The following CSMD1 variants were observed in gnomAD, a reference collection of about 807,000 sequenced individuals.
The protein encoded by CSMD1 is CUB and Sushi multiple domains 1.
A neutral mutation model predicts 417.5 loss-of-function variants in CSMD1; 213 were observed. The observed-to-expected ratio is 0.51, with a 90% CI of 0.46 to 0.57. The LOEUF is 0.57. Among genes scored for constraint, CSMD1 ranks in the 20% least tolerant of loss-of-function variants. The pLI is 0.00. For missense variants in CSMD1, 6,923 were observed against 4,529.7 expected (o/e 1.53, Z -15.17); for synonymous variants, 2,862 against 1,736.8 (o/e 1.65, Z -16.11).
chr8:3,944,808 C>G (rs1811113268), intron 5 of CSMD1, among the ~76,000 whole-genome samples: 1 of 152,070 alleles, frequency 6.6e-6, no homozygotes, highest in African/African-American at 2.4e-5. Context: ...TTTTGCGTTT[C>G]TTCCCCCGCC....
intron 1 of CSMD1, among the ~76,000 whole-genome samples, chr8:4,951,311 C>T (rs182962558): frequency 2.9e-4 from 44 of 152,138 alleles, no homozygotes; most frequent in Admixed American, 6.6e-4. Flanking sequence ...CTTTGAACTG[C>T]GGACTTCACA....
intron 46 of CSMD1, among the ~76,000 whole-genome samples, chr8:3,100,359 A>G (rs1815644993): frequency 6.6e-6 from 1 of 152,230 alleles, no homozygotes; most frequent in African/African-American, 2.4e-5. Context: ...CCCATGAGCG[A>G]AAGTGATTTG....
intron 2 of CSMD1, among the ~76,000 whole-genome samples, chr8:4,535,494 T>C (rs577678591): frequency 4.6e-5 from 7 of 152,194 alleles, no homozygotes; most frequent in Non-Finnish European, 7.3e-5. Flanking sequence ...TGTGTTTCAA[T>C]CCATTGCCAT....
At chr8:3,207,604 C>G (rs1024448160) in intron 30 of CSMD1, among the ~76,000 whole-genome samples, 1 of 152,048 alleles carries the variant, frequency 6.6e-6, no homozygotes, top group African/African-American at 2.4e-5. Context: ...GATAAGGCAA[C>G]TTGTTAATGA....
chr8:3,496,398 G>A (rs1796365953), intron 10 of CSMD1, among the ~76,000 whole-genome samples: 1 of 152,140 alleles, frequency 6.6e-6, no homozygotes, highest in African/African-American at 2.4e-5. Context: ...GGGAAGCACT[G>A]GCCTCAACCT....
rs1282559470 is a variant in CSMD1 at position 3,366,126 on chromosome 8, G to C, written c.3115+906C>G. ...GAAAATTACATTTGATCTGGGCTAT[G>C]AGGAATAAGGAAGGAAAACCCTCTT... On this transcript the variant is annotated intron_variant, in intron 20 of 69. Transcript: ENST00000635120. Among the ~76,000 whole-genome samples the C allele has an allele frequency of 2.0e-5, 3 of 152,170 alleles. No homozygotes were observed. In the South Asian group the frequency reaches 6.2e-4, roughly 31 times the overall value.
chr8:4,351,436 C>A (rs1801086521), intron 3 of CSMD1, among the ~76,000 whole-genome samples: 1 of 152,206 alleles, frequency 6.6e-6, no homozygotes, highest in Non-Finnish European at 1.5e-5. Flanking sequence ...AGAAGAGTTA[C>A]TTAAAATAAT....
At chr8:3,293,552 CTCT>C (rs1259619861) in intron 25 of CSMD1, among the ~76,000 whole-genome samples, 1 of 152,086 alleles carries the variant, frequency 6.6e-6, no homozygotes, top group Admixed American at 6.6e-5. Context: ...CTCTAAACTT[CTCT>C]TCTTGCTTCA....
chr8:4,635,236 CAAT>C (rs1265612293), intron 2 of CSMD1, among the ~76,000 whole-genome samples: 4 of 152,136 alleles, frequency 2.6e-5, no homozygotes, highest in Non-Finnish European at 5.9e-5. Flanking sequence ...ATACAACTCA[CAAT>C]AAAGCTCTCT....
chr8:4,899,157 C>A (rs76104742), intron 1 of CSMD1, among the ~76,000 whole-genome samples: 3 of 152,096 alleles, frequency 2.0e-5, no homozygotes, highest in Non-Finnish European at 1.5e-5. Flanking sequence ...GAGCTAAAAC[C>A]TTTCTCTCAA....
chr8:4,110,513 G>T (rs141077061), intron 3 of CSMD1, among the ~76,000 whole-genome samples: 1 of 151,986 alleles, frequency 6.6e-6, no homozygotes, highest in East Asian at 1.9e-4. Flanking sequence ...TTCCCCTAGC[G>T]TGTGCAAGTT....
At chr8:4,425,039 A>C (rs923813397) in intron 2 of CSMD1, among the ~76,000 whole-genome samples, 2 of 152,114 alleles carry the variant, frequency 1.3e-5, no homozygotes, top group African/African-American at 4.8e-5. Flanking sequence ...AGTTGAACAA[A>C]AACTATTGAG....
chr8:3,768,779 A>G (rs1798420782), intron 5 of CSMD1, among the ~76,000 whole-genome samples: 1 of 152,252 alleles, frequency 6.6e-6, no homozygotes, highest in African/African-American at 2.4e-5. Flanking sequence ...CAGAAATCGT[A>G]AGGCTTGTCC....
intron 1 of CSMD1, among the ~76,000 whole-genome samples, chr8:4,773,893 T>A (rs1563349400): frequency 6.6e-6 from 1 of 152,206 alleles, no homozygotes; most frequent in Admixed American, 6.5e-5. Flanking sequence ...ATACGCTTTC[T>A]AACACAAAAA....
chr8:4,922,058 C>T (rs983626535), intron 1 of CSMD1, among the ~76,000 whole-genome samples: 1 of 152,170 alleles, frequency 6.6e-6, no homozygotes, highest in Non-Finnish European at 1.5e-5. Flanking sequence ...CTGCCCTCTT[C>T]ACTTGTACCC....
At chr8:3,228,930 G>C (rs888624074) in intron 27 of CSMD1, among the ~76,000 whole-genome samples, 3 of 152,020 alleles carry the variant, frequency 2.0e-5, no homozygotes, top group Non-Finnish European at 1.5e-5. Context: ...ACGCGTGACT[G>C]TGCTCACAGA....
chr8:3,230,972 C>G (rs146463690), intron 26 of CSMD1, among the ~76,000 whole-genome samples: 4 of 152,244 alleles, frequency 2.6e-5, no homozygotes, highest in Non-Finnish European at 5.9e-5. Flanking sequence ...CTTATCATAT[C>G]AGTTTCTGGT....
At chr8:2,995,149 A>G (rs1806771008) in intron 54 of CSMD1, among the ~76,000 whole-genome samples, 2 of 152,340 alleles carry the variant, frequency 1.3e-5, no homozygotes, top group South Asian at 2.1e-4. Flanking sequence ...TACCTGACAA[A>G]TGACTATTAC....
At chr8:4,735,345 C>G (rs1016257728) in intron 1 of CSMD1, among the ~76,000 whole-genome samples, 3 of 152,144 alleles carry the variant, frequency 2.0e-5, no homozygotes, top group East Asian at 1.9e-4. Context: ...GGATCTAAAC[C>G]TGGATTTTCT....
Sources: gnomAD v4.1 joint callset for allele counts (sites outside exome capture counted in the v4.1 genomes callset) on GRCh38, gnomAD v4.1.1 for gene constraint, MANE v1.5 for transcripts, NCBI Gene and HGNC (gene_info 2026-07-23, HGNC 2026-07-21) for gene names.